AHCTF1: variants seen among roughly 807,000 people sequenced by gnomAD.
AHCTF1 encodes protein ELYS.
In AHCTF1, 24 loss-of-function variants were observed where a neutral mutation model predicts 248.4. The ratio of observed to expected loss-of-function variants is 0.10; its 90% CI spans 0.07 to 0.14. The LOEUF is 0.14. Ranked by LOEUF, AHCTF1 falls within the 10% of genes least tolerant of loss-of-function variation. The pLI is 1.00. For missense variants in AHCTF1, 2,206 were observed against 2,636.2 expected (o/e 0.84, Z 3.57); for synonymous variants, 786 against 929.8 (o/e 0.85, Z 2.81).
intron 1 of AHCTF1, chr1:246,931,022 C>G (rs1667311439): frequency 1.4e-6 from 2 of 1,421,598 alleles, no homozygotes; most frequent in South Asian, 2.9e-5. Context: ...GGCAAAGCAC[C>G]CCAAGATGTG....
intron 20 of AHCTF1, among the ~76,000 whole-genome samples, chr1:246,886,543 G>A (rs1161423707): frequency 6.6e-6 from 1 of 151,940 alleles, no homozygotes; most frequent in Non-Finnish European, 1.5e-5. Context: ...GTAACATCTA[G>A]GGAATAATGA....
chr1:246,903,972 C>G lies in AHCTF1; in HGVS notation c.943G>C (p.Ala315Pro). 1 of 1,613,940 alleles carries G rather than the reference C, an allele frequency of 6.2e-7. No homozygotes were observed. Among genetic ancestry groups the G allele is most frequent in the Non-Finnish European group, 8.5e-7 (1 of 1,179,946 alleles). The change falls in exon 7 of 36, where the codon GCA becomes CCA. Residue 315 changes from alanine (A) to proline (P), a missense_variant. Ala to Pro is a conservative substitution (Grantham distance 27). Around this residue, in one of 6 missense-constraint regions of AHCTF1, gnomAD observed 650 missense variants for 870.8 expected, o/e 0.75. Coordinates refer to ENST00000648844, the MANE Select transcript of AHCTF1 (RefSeq NM_001323342.2). ...QLAFGNRKCL[A>P]SGQILYEGLE... ...ACCTCATATAAGATTTGTCCTGATG[C>G]CAAACACTTTCTATTACCAAAGGCC...
chr1:246,857,122 C>T (rs995955000), intron 30 of AHCTF1, among the ~76,000 whole-genome samples: 2 of 152,152 alleles, frequency 1.3e-5, no homozygotes, highest in African/African-American at 4.8e-5. Flanking sequence ...GGAGGCAGTG[C>T]ACTTATCTAT....
intron 24 of AHCTF1, among the ~76,000 whole-genome samples, chr1:246,868,876 G>T (rs184231153): frequency 1.4e-5 from 2 of 141,090 alleles, no homozygotes; most frequent in Admixed American, 7.4e-5. Context: ...ATGGAGTCTC[G>T]CTCTGTCACC....
intron 29 of AHCTF1, among the ~76,000 whole-genome samples, chr1:246,858,811 A>AT (rs1212037801): frequency 2.3e-3 from 352 of 152,206 alleles, no homozygotes; most frequent in Non-Finnish European, 3.3e-3. Context: ...AAAAAAAAAA[A>AT]AAATAAATAC....
In AHCTF1 at chr1:246,840,370, C is replaced by CAA. The variant is rs1397622808; in HGVS notation, c.*434_*435dup. On this transcript the variant is annotated 3_prime_UTR_variant, in exon 36 of 36. Transcript: ENST00000648844. The stretch of plus-strand genomic sequence containing the variant: ...TGATTAGAAATCTGAATCACAGAAT[C>CAA]AAAGTGCATAAATTATAAAATAGTA... 6 of 152,610 alleles carry CAA rather than the reference C, an allele frequency of 3.9e-5. No individual in the cohort carries two copies. The highest frequency in any genetic ancestry group is 1.4e-4 in the African/African-American group (6 of 41,434). 9.5% of individuals were successfully genotyped at this position (152,610 alleles called of 1,614,324 possible).
chr1:246,872,080 T>C (rs1471450555), intron 24 of AHCTF1, among the ~76,000 whole-genome samples: 1 of 144,472 alleles, frequency 6.9e-6, no homozygotes, highest in Non-Finnish European at 1.5e-5. Flanking sequence ...AGAACCTAGA[T>C]TCCCAAAAAC....
rs1226559266 is a variant in AHCTF1 at position 246,867,769 on chromosome 1, A to G, written c.3131T>C (p.Val1044Ala). 1 of 1,612,734 alleles carries G rather than the reference A, an allele frequency of 6.2e-7. No individual in the cohort carries two copies. The highest frequency in any genetic ancestry group is 1.3e-5 in the African/African-American group (1 of 74,948). ...AGATCTTGTCAACACAGTTCCTGTT[A>G]CAACTTGCTTTGGAACTGCTGATAA... ...KPLSAVPKQVVTGTVLTRSVF... is the reference protein window; with the variant it reads ...KPLSAVPKQVATGTVLTRSVF... Residue 1044 changes from valine to alanine, a missense_variant, in exon 25 of 36, where the codon GTA (valine) becomes GCA (alanine). Val to Ala is a moderately conservative substitution (Grantham distance 64). This residue lies in a region of AHCTF1 where 955 missense variants were observed against 1,055.6 expected (regional missense o/e 0.90). Coordinates refer to ENST00000648844, the MANE Select transcript of AHCTF1 (RefSeq NM_001323342.2).
intron 3 of AHCTF1, among the ~76,000 whole-genome samples, chr1:246,915,286 T>C (rs564747241): frequency 1.3e-5 from 2 of 152,098 alleles, no homozygotes; most frequent in East Asian, 3.9e-4. Flanking sequence ...GCTGAGATCG[T>C]GCCACTGCAC....
At chr1:246,865,766 A>G (rs112802786) in intron 26 of AHCTF1, among the ~76,000 whole-genome samples, 5 of 148,394 alleles carry the variant, frequency 3.4e-5, no homozygotes, top group Non-Finnish European at 7.5e-5. Context: ...GGTTCTGAGA[A>G]ATCTTTTTAA....
At chr1:246,863,892 T>A in intron 27 of AHCTF1, 32 bp downstream of exon 27, 1 of 1,602,610 alleles carries the variant, frequency 6.2e-7, no homozygotes, top group Non-Finnish European at 8.5e-7. Flanking sequence ...CCATCTAGTT[T>A]GATTGTGAAC....
chr1:246,931,328 G>A, intron 1 of AHCTF1: 1 of 1,545,556 alleles, frequency 6.5e-7, no homozygotes, highest in Non-Finnish European at 8.7e-7. Flanking sequence ...CCGCCGCCAT[G>A]TGCCGCCGCT....
chr1:246,912,723 T>A, intron 4 of AHCTF1, among the ~76,000 whole-genome samples: 1 of 152,214 alleles, frequency 6.6e-6, no homozygotes, highest in East Asian at 1.9e-4. Flanking sequence ...CTGAATAGAA[T>A]TACTTCTATT....
intron 31 of AHCTF1, among the ~76,000 whole-genome samples, chr1:246,855,066 A>T (rs1661017010): frequency 6.6e-6 from 1 of 152,264 alleles, no homozygotes; most frequent in African/African-American, 2.4e-5. Flanking sequence ...CCCCATTCAT[A>T]ATGTACCAGG....
At chr1:246,875,971 G>GA in intron 24 of AHCTF1, 66 bp downstream of exon 24, 1 of 1,421,924 alleles carries the variant, frequency 7.0e-7, no homozygotes, top group African/African-American at 1.4e-5. Context: ...GGTGGTTTCA[G>GA]AAAAGTAATC....
At chr1:246,896,048 G>A (rs1482921161) in intron 12 of AHCTF1, 123 bp from the exon 13 acceptor site, 2 of 659,532 alleles carry the variant, frequency 3.0e-6, no homozygotes, top group African/African-American at 3.7e-5. Context: ...CATAAGAAGG[G>A]CTATAATCAA....
At position 246,842,748 on chromosome 1, in the gene AHCTF1, A is replaced by C. The variant is rs747587376; in HGVS notation, c.6554T>G (p.Leu2185Arg). The C allele has an allele frequency of 1.9e-6, 3 of 1,613,850 alleles. No individual in the cohort carries two copies. The highest frequency in any genetic ancestry group is 2.5e-6 in the Non-Finnish European group (3 of 1,180,002). The part of the protein sequence containing the change: ...LKDDAQSVET[L>R]GKPKAKRIRT... ...GATTCGTTTCGCTTTTGGCTTTCCC[A>C]GAGTTTCTACTGATTGTGCATCATC... is the stretch of plus-strand genomic sequence containing the variant. The change falls in exon 35 of 36, where the codon CTG (leucine) becomes CGG (arginine). Residue 2185 changes from leucine (L) to arginine (R), a missense_variant. By Grantham distance (102) the Leu-to-Arg change is moderately radical. Coordinates refer to ENST00000648844, the MANE Select transcript of AHCTF1 (RefSeq NM_001323342.2).
intron 24 of AHCTF1, among the ~76,000 whole-genome samples, chr1:246,870,702 C>CTT (rs1662526885): frequency 7.5e-6 from 1 of 133,092 alleles, no homozygotes; most frequent in South Asian, 2.4e-4. Flanking sequence ...AACTTTCTAG[C>CTT]TAAAAGAGGG....
At chr1:246,868,846 G>GTTTTTTTTT (rs563383895) in intron 24 of AHCTF1, among the ~76,000 whole-genome samples, 1 of 128,832 alleles carries the variant, frequency 7.8e-6, no homozygotes, top group Non-Finnish European at 1.6e-5. Context: ...TGTGTTTTTT[G>GTTTTTTTTT]TTTTTTTTTT....
Sources: allele counts gnomAD v4.1 joint callset (sites outside exome capture counted in the v4.1 genomes callset), GRCh38; gene constraint gnomAD v4.1.1; regional missense constraint gnomAD v4.1.1; transcripts MANE v1.5; gene names NCBI Gene and HGNC (gene_info 2026-07-23, HGNC 2026-07-21).